FGF19: variants seen among roughly 807,000 people sequenced by gnomAD.
FGF19 encodes the protein FGF-19.
In FGF19, 5 loss-of-function variants were observed where a neutral mutation model predicts 8.9. The observed-to-expected ratio is 0.56, with a 90% CI of 0.29 to 1.18. The LOEUF is 1.18. FGF19 is among the 50% of genes most tolerant of loss of function. FGF19 has a pLI of 0.08. For missense variants in FGF19, 237 were observed against 293.9 expected (o/e 0.81, Z 1.42); for synonymous variants, 124 against 128.0 (o/e 0.97, Z 0.21).
Position 69,703,824 on chromosome 11 carries a change from A to T in FGF19, c.53T>A (p.Leu18Gln). ...GGCGAGGGGGCGCCCGGCCACGGCC[A>T]GCCAGAGGCCGGCCAGGATCCATAC... is the stretch of plus-strand genomic sequence containing the variant. Reference protein sequence around the residue: ...VHVWILAGLWLAVAGRPLAFS... With the variant: ...VHVWILAGLWQAVAGRPLAFS... Residue 18 changes from leucine (L) to glutamine (Q), a missense_variant, in exon 1 of 3, where the codon CTG (leucine) becomes CAG (glutamine). Coordinates refer to ENST00000294312, the MANE Select transcript of FGF19 (RefSeq NM_005117.3). The surrounding 1 kb of genome is among the most constrained non-coding windows in gnomAD (Gnocchi z 6.8). 8.1e-7 allele frequency: 1 copy of T among 1,236,236 alleles called. No homozygotes were observed. The highest frequency in any genetic ancestry group is 1.0e-6 in the Non-Finnish European group (1 of 989,998). The allele number at this position is 1,236,236 out of a possible 1,614,324, so 76.6% of individuals were successfully genotyped here.
rs1854808926 is a variant in FGF19, at chr11:69,703,844, C to G, written c.33G>C (p.Trp11Cys). Residue 11 changes from tryptophan (W) to cysteine (C), a missense_variant, in exon 1 of 3, where the codon TGG (tryptophan) becomes TGC (cysteine). By Grantham distance (215) the Trp-to-Cys change is radical. Transcript: ENST00000294312. This position sits in a 1 kb window ranked among gnomAD's most constrained non-coding sequence, Gnocchi z 6.8. MRSGCVVVHV[W>C]ILAGLWLAVA... is the part of the protein sequence containing the mutation. ...CGGCCAGCCAGAGGCCGGCCAGGATCCATACGTGGACCACCACACACCCGC... is the reference window on the plus strand; with the variant it reads ...CGGCCAGCCAGAGGCCGGCCAGGATGCATACGTGGACCACCACACACCCGC... The G allele has an allele frequency of 8.1e-7, 1 of 1,241,180 alleles. No homozygotes were observed. The highest frequency in any genetic ancestry group is 1.6e-5 in the African/African-American group (1 of 64,500). 76.9% of individuals were successfully genotyped at this position (1,241,180 alleles called of 1,614,324 possible).
chr11:69,699,441 C>G lies in FGF19; in HGVS notation c.472G>C (p.Gly158Arg). ...AGGAAATGAGAGAGTGGAAGAAAGC[C>G]TCTGTTCTTGTACAGCTGCCGCTGT... is the stretch of plus-strand genomic sequence containing the variant. ...AKQRQLYKNR[G>R]FLPLSHFLPM... Residue 158 changes from glycine to arginine, a missense_variant, in exon 3 of 3, where the codon GGC (glycine) becomes CGC (arginine). Gly to Arg is a moderately radical substitution (Grantham distance 125). Transcript: ENST00000294312. 2.5e-6 allele frequency: 4 copies of G among 1,614,208 alleles called. No homozygotes were observed. The highest frequency in any genetic ancestry group is 3.4e-6 in the Non-Finnish European group (4 of 1,180,042).
In FGF19 at chr11:69,699,179, G is replaced by C. The variant is rs1300137649; in HGVS notation, c.*83C>G. On this transcript the variant is annotated 3_prime_UTR_variant, in exon 3 of 3. Transcript: ENST00000294312. Reference sequence around the variant, plus strand: ...AAAGCTAAACAGAACGTGGACTCAGGACTGTTCTTGTAGAAGCACGTCCCC... The same window carrying C: ...AAAGCTAAACAGAACGTGGACTCAGCACTGTTCTTGTAGAAGCACGTCCCC... 1.0e-6 allele frequency: 1 copy of C among 965,074 alleles called. No individual in the cohort carries two copies. The highest frequency in any genetic ancestry group is 1.5e-6 in the Non-Finnish European group (1 of 648,392). The allele number at this position is 965,074 out of a possible 1,614,324, so 59.8% of individuals were successfully genotyped here. A position where few individuals can be genotyped will look rare whatever the true frequency, so the allele number is the denominator to read the frequency against.
At chr11:69,701,362 G>A (rs192768946) in intron 2 of FGF19, among the ~76,000 whole-genome samples, 29 of 152,278 alleles carry the variant, frequency 1.9e-4, no homozygotes, top group Non-Finnish European at 3.1e-4. Context: ...AGCACTTTGG[G>A]CGGCTGAGGC....
chr11:69,701,965 C>CAAAAAAAAAAAAAAAAA (rs59026695), intron 2 of FGF19, among the ~76,000 whole-genome samples: 8 of 72,890 alleles, frequency 1.1e-4, no homozygotes, highest in East Asian at 3.6e-4. Context: ...AAGACTCTGC[C>CAAAAAAAAAAAAAAAAA]AAAAAAAAAA....
chr11:69,703,205 C>T lies in FGF19; in HGVS notation c.336+56G>A, dbSNP rs1590932531. The T allele has an allele frequency of 3.1e-6, 4 of 1,295,646 alleles. No homozygotes were observed. The East Asian group carries it at 7.7e-5, about 25-fold the overall frequency. The allele number at this position is 1,295,646 out of a possible 1,614,324, so 80.3% of individuals were successfully genotyped here. ...GCCTTTCTCTCCTTCAGGCCTCCGC[C>T]CGGGGACAGGCGCCGGTCCCCCGCC... On this transcript the variant is annotated intron_variant, in intron 2 of 2. Transcript: ENST00000294312. The surrounding 1 kb of genome is among the most constrained non-coding windows in gnomAD (Gnocchi z 6.8).
rs545194399 is a variant in FGF19, at chr11:69,702,797, C to A, written c.336+464G>T. Among the ~76,000 whole-genome samples the A allele has an allele frequency of 2.6e-5, 4 of 152,270 alleles. 1 individual carries two copies. The South Asian group carries it at 8.3e-4, about 32-fold the overall frequency. ...ATGCACTGTTTTCTGCCTTGCTTGA[C>A]AATTGATTTGTTTTTAAAGGAAAGT... is the stretch of plus-strand genomic sequence containing the variant. On this transcript the variant is annotated intron_variant, in intron 2 of 2. Coordinates refer to ENST00000294312, the MANE Select transcript of FGF19 (RefSeq NM_005117.3). This position sits in a 1 kb window ranked among gnomAD's most constrained non-coding sequence, Gnocchi z 4.6.
At position 69,703,093 on chromosome 11, in the gene FGF19, G is replaced by T. The variant is rs1355637896; in HGVS notation, c.336+168C>A. Among the ~76,000 whole-genome samples the T allele has an allele frequency of 1.3e-5, 2 of 152,236 alleles. No individual in the cohort carries two copies. The highest frequency in any genetic ancestry group is 2.9e-5 in the Non-Finnish European group (2 of 68,048). On this transcript the variant is annotated intron_variant, in intron 2 of 2. Coordinates refer to ENST00000294312, the MANE Select transcript of FGF19 (RefSeq NM_005117.3). The surrounding 1 kb of genome is among the most constrained non-coding windows in gnomAD (Gnocchi z 6.8). Reference sequence around the variant, plus strand: ...ATTTCCGTAGGAAATCGTCGGACATGCACTTAATCGGTCTTTGCAATCTTT... The same window carrying T: ...ATTTCCGTAGGAAATCGTCGGACATTCACTTAATCGGTCTTTGCAATCTTT...
chr11:69,700,788 C>A (rs1854760399), intron 2 of FGF19, among the ~76,000 whole-genome samples: 1 of 151,510 alleles, frequency 6.6e-6, no homozygotes, highest in South Asian at 2.1e-4. Flanking sequence ...CAGGCCAGGC[C>A]GGCGCCCAGC....
chr11:69,703,209 G>C lies in FGF19; in HGVS notation c.336+52C>G. 1 of 1,323,434 alleles carries C rather than the reference G, an allele frequency of 7.6e-7. No individual in the cohort carries two copies. The highest frequency in any genetic ancestry group is 1.1e-6 in the Non-Finnish European group (1 of 948,642). 82.0% of individuals were successfully genotyped at this position (1,323,434 alleles called of 1,614,324 possible). On this transcript the variant is annotated intron_variant, in intron 2 of 2. Transcript: ENST00000294312. The surrounding 1 kb of genome is among the most constrained non-coding windows in gnomAD (Gnocchi z 6.8). ...TTCTCTCCTTCAGGCCTCCGCCCGGGGACAGGCGCCGGTCCCCCGCCCCGG... is the reference window on the plus strand; with the variant it reads ...TTCTCTCCTTCAGGCCTCCGCCCGGCGACAGGCGCCGGTCCCCCGCCCCGG...
At chr11:69,701,445 C>CA (rs1436685923) in intron 2 of FGF19, among the ~76,000 whole-genome samples, 1 of 151,212 alleles carries the variant, frequency 6.6e-6, no homozygotes, top group African/African-American at 2.4e-5. Flanking sequence ...ACTAAAAATA[C>CA]AAAAAAACTA....
chr11:69,703,143 G>A lies in FGF19; in HGVS notation c.336+118C>T. On this transcript the variant is annotated intron_variant, in intron 2 of 2. Transcript: ENST00000294312. The surrounding 1 kb of genome is among the most constrained non-coding windows in gnomAD (Gnocchi z 6.8). ...TCCCTCGAAGTTGCACGCGGGTCTG[G>A]GCGGAGGAGGCGAGGAAACCCTGGA... The A allele has an allele frequency of 3.1e-6, 2 of 636,380 alleles. No homozygotes were observed. The highest frequency in any genetic ancestry group is 5.4e-6 in the Non-Finnish European group (2 of 372,578). 39.4% of individuals were successfully genotyped at this position (636,380 alleles called of 1,614,324 possible).
rs779547280 is a variant in FGF19 at position 69,699,584 on chromosome 11, GA to G, written c.337-9del. On this transcript the variant is annotated splice_polypyrimidine_tract_variant and intron_variant, in intron 2 of 2. Transcript: ENST00000294312. ...TTCCTCCGAGTACTGAAGCTGCAGA[GA>G]AAACAGGCAGCTCTGAGCAATCCAC... The G allele has an allele frequency of 6.3e-7, 1 of 1,598,458 alleles. No individual in the cohort carries two copies. Among genetic ancestry groups the G allele is most frequent in the Non-Finnish European group, 8.5e-7 (1 of 1,171,494 alleles).
At chr11:69,701,448 A>G (rs1288387159) in intron 2 of FGF19, among the ~76,000 whole-genome samples, 3 of 151,766 alleles carry the variant, frequency 2.0e-5, no homozygotes, top group African/African-American at 7.3e-5. Flanking sequence ...AAAAATACAA[A>G]AAAACTAGCC....
At position 69,703,596 on chromosome 11, in the gene FGF19, G is replaced by C. The variant is rs969236533; in HGVS notation, c.232+49C>G. 76 of 980,884 alleles carry C rather than the reference G, an allele frequency of 7.7e-5. No individual in the cohort carries two copies. Among genetic ancestry groups the C allele is most frequent in the Non-Finnish European group, 9.1e-5 (69 of 760,078 alleles). The allele number at this position is 980,884 out of a possible 1,614,324, so 60.8% of individuals were successfully genotyped here. On this transcript the variant is annotated intron_variant, in intron 1 of 2. Transcript: ENST00000294312. This position sits in a 1 kb window ranked among gnomAD's most constrained non-coding sequence, Gnocchi z 6.8. Reference sequence around the variant, plus strand: ...GCGCTGGGGTGGGGCGCGCGCAGCGGGGTGGGGTGCGCGCGGCGGGGCGGG... The same window carrying C: ...GCGCTGGGGTGGGGCGCGCGCAGCGCGGTGGGGTGCGCGCGGCGGGGCGGG...
chr11:69,703,730 G>A lies in FGF19; in HGVS notation c.147C>T (p.Thr49=). ...GDPIRLRHLY[T]SGPHGLSSCF... ...AGCTGGAGAGCCCGTGGGGGCCGGA[G>A]GTGTACAGGTGCCGCAGGCGGATGG... The change falls in exon 1 of 3, where the codon ACC becomes ACT. Residue 49 remains threonine, a synonymous_variant. Coordinates refer to ENST00000294312, the MANE Select transcript of FGF19 (RefSeq NM_005117.3). The surrounding 1 kb of genome is among the most constrained non-coding windows in gnomAD (Gnocchi z 6.8). 8.1e-7 allele frequency: 1 copy of A among 1,233,870 alleles called. No homozygotes were observed. Among genetic ancestry groups the A allele is most frequent in the Non-Finnish European group, 1.0e-6 (1 of 988,798 alleles). The allele number at this position is 1,233,870 out of a possible 1,614,324, so 76.4% of individuals were successfully genotyped here.
rs2119918902 is a variant in FGF19 at position 69,703,905 on chromosome 11, T to C, written c.-29A>G. 8.2e-7 allele frequency: 1 copy of C among 1,220,728 alleles called. No individual in the cohort carries two copies. The allele number at this position is 1,220,728 out of a possible 1,614,324, so 75.6% of individuals were successfully genotyped here. ...ACCTCCCTGGGGCTCTCGGCGCAGC[T>C]CCGGCGATGGGGGTGCGGGAGGCTG... is the stretch of plus-strand genomic sequence containing the variant. On this transcript the variant is annotated 5_prime_UTR_variant, in exon 1 of 3. Coordinates refer to ENST00000294312, the MANE Select transcript of FGF19 (RefSeq NM_005117.3). The surrounding 1 kb of genome is among the most constrained non-coding windows in gnomAD (Gnocchi z 6.8).
Position 69,703,394 on chromosome 11 carries a change from C to A in FGF19, c.233-30G>T. On this transcript the variant is annotated intron_variant, in intron 1 of 2. Coordinates refer to ENST00000294312, the MANE Select transcript of FGF19 (RefSeq NM_005117.3). The surrounding 1 kb of genome is among the most constrained non-coding windows in gnomAD (Gnocchi z 6.8). ...GCGCAGGGGAAGCGAGAAGCTGCAG[C>A]AAGGACCGCTGGGCCCGCACCACGT... 6.5e-7 allele frequency: 1 copy of A among 1,544,876 alleles called. No homozygotes were observed. The highest frequency in any genetic ancestry group is 2.4e-5 in the East Asian group (1 of 42,374).
In FGF19 at chr11:69,703,269, G is replaced by T; in HGVS notation, c.328C>A (p.Gln110Lys). Residue 110 changes from glutamine (Q) to lysine (K), a missense_variant, in exon 2 of 3, where the codon CAG becomes AAG. Coordinates refer to ENST00000294312, the MANE Select transcript of FGF19 (RefSeq NM_005117.3). The surrounding 1 kb of genome is among the most constrained non-coding windows in gnomAD (Gnocchi z 6.8). ...YLCMGADGKM[Q>K]GLLQYSEEDC... ...CCCGTGGGGACACTTACCAGCCCCT[G>T]CATCTTGCCGTCGGCGCCCATGCAG... 6.2e-7 allele frequency: 1 copy of T among 1,600,480 alleles called. No homozygotes were observed. The highest frequency in any genetic ancestry group is 8.5e-7 in the Non-Finnish European group (1 of 1,173,958).
Sources: allele counts gnomAD v4.1 joint callset (sites outside exome capture counted in the v4.1 genomes callset), GRCh38; gene constraint gnomAD v4.1.1; non-coding constraint Gnocchi (gnomAD v3.1); transcripts MANE v1.5; gene names NCBI Gene and HGNC (gene_info 2026-07-23, HGNC 2026-07-21).